HMCN1: variants seen among roughly 807,000 people sequenced by gnomAD.
HMCN1 encodes the protein hemicentin-1.
HMCN1 carries 321 observed loss-of-function variants against 625.9 expected under a neutral mutation model. The observed-to-expected ratio is 0.51, with a 90% CI of 0.47 to 0.56. The LOEUF (loss-of-function observed/expected upper bound fraction) is 0.56. Ranked by LOEUF, HMCN1 falls within the 20% of genes least tolerant of loss-of-function variation. The pLI, the probability that HMCN1 is intolerant of heterozygous loss-of-function variation, is 0.00. For synonymous variants in HMCN1, 2,425 were observed against 2,417.6 expected (o/e 1.00, Z -0.09); for missense variants, 6,588 against 6,887.3 (o/e 0.96, Z 1.54).
At chr1:186,186,471 G>A (rs1653312493) in intron 105 of HMCN1, among the ~76,000 whole-genome samples, 1 of 152,168 alleles carries the variant, frequency 6.6e-6, no homozygotes, top group African/African-American at 2.4e-5. Flanking sequence ...AGCTTGCAAT[G>A]AGCTGAGATT....
At chr1:185,950,796 T>A (rs1419860095) in intron 11 of HMCN1, among the ~76,000 whole-genome samples, 2 of 151,840 alleles carry the variant, frequency 1.3e-5, no homozygotes, top group Non-Finnish European at 2.9e-5. Context: ...CAGAACAGAA[T>A]AATGGGTTGT....
intron 10 of HMCN1, among the ~76,000 whole-genome samples, chr1:185,930,747 C>T (rs925978279): frequency 6.6e-6 from 1 of 151,974 alleles, no homozygotes; most frequent in South Asian, 2.1e-4. Context: ...AAGCAATGTT[C>T]TTCTCTTTTA....
intron 6 of HMCN1, among the ~76,000 whole-genome samples, chr1:185,919,336 A>G (rs2102469864): frequency 6.6e-6 from 1 of 152,216 alleles, no homozygotes; most frequent in East Asian, 1.9e-4. Context: ...TTTCTTGCTT[A>G]TGTTCTCATT....
chr1:186,117,533 G>A lies in HMCN1; in HGVS notation c.11758G>A (p.Ala3920Thr), dbSNP rs202117123. ...TGCCCCAGCAGTAATTACCTGCACT[G>A]CTTCGGGAGTTCCATTTCCCTCAAT... ...KHAPAVITCT[A>T]SGVPFPSIHW... The change falls in exon 77 of 107, where the codon GCT becomes ACT. Residue 3920 changes from alanine (A) to threonine (T), a missense_variant. Physicochemically the swap from Ala to Thr is moderately conservative, Grantham distance 58 (BLOSUM62 0). This residue lies in a region of HMCN1 where 4,628 missense variants were observed against 4,853.1 expected (regional missense o/e 0.95). Transcript: ENST00000271588. The A allele has an allele frequency of 6.2e-7, 1 of 1,613,748 alleles. No homozygotes were observed. The highest frequency in any genetic ancestry group is 1.3e-5 in the African/African-American group (1 of 74,896).
intron 1 of HMCN1, among the ~76,000 whole-genome samples, chr1:185,830,098 G>GT (rs562456930): frequency 1.0e-3 from 159 of 151,678 alleles, no homozygotes; most frequent in African/African-American, 3.8e-3. Flanking sequence ...AGAGTTGTTT[G>GT]TTTTTTTCTT....
intron 22 of HMCN1, among the ~76,000 whole-genome samples, chr1:185,991,357 A>T (rs1652410427): frequency 6.6e-6 from 1 of 152,200 alleles, no homozygotes; most frequent in Non-Finnish European, 1.5e-5. Context: ...TTAGTAAAAA[A>T]TTACAGTAAT....
At chr1:186,160,220 A>G (rs1651352552) in intron 97 of HMCN1, among the ~76,000 whole-genome samples, 1 of 147,872 alleles carries the variant, frequency 6.8e-6, no homozygotes, top group Admixed American at 6.7e-5. Flanking sequence ...AGGTGTTTGT[A>G]GTATTCTCTG....
intron 1 of HMCN1, among the ~76,000 whole-genome samples, chr1:185,821,928 A>C (rs1660207737): frequency 1.3e-5 from 2 of 152,116 alleles, no homozygotes; most frequent in East Asian, 3.9e-4. Flanking sequence ...GAAGAACCTC[A>C]AATGAATATT....
intron 4 of HMCN1, among the ~76,000 whole-genome samples, chr1:185,873,189 G>GA (rs1358055275): frequency 6.6e-6 from 1 of 152,108 alleles, no homozygotes; most frequent in Admixed American, 6.6e-5. Flanking sequence ...TTGACTATGA[G>GA]ATGTTAGAGA....
chr1:186,166,038 A>G, intron 98 of HMCN1, 146 bp from the exon 99 acceptor site: 1 of 774,126 alleles, frequency 1.3e-6, no homozygotes, highest in East Asian at 2.7e-5. Flanking sequence ...TATTCAGTGA[A>G]TTCATTTTGT....
chr1:185,846,144 G>A lies in HMCN1; in HGVS notation c.339+48G>A, dbSNP rs755727356. 5.2e-6 allele frequency: 7 copies of A among 1,354,744 alleles called. No individual in the cohort carries two copies. In the Admixed American group the frequency reaches 8.5e-5, roughly 16 times the overall value. 83.9% of individuals were successfully genotyped at this position (1,354,744 alleles called of 1,614,324 possible). On this transcript the variant is annotated intron_variant, in intron 2 of 106. Coordinates refer to ENST00000271588, the MANE Select transcript of HMCN1 (RefSeq NM_031935.3). ...CTCTTGGGGGAATGGAAAATCATGAGCCTTTGGCTGATTTTCTTTATTTTT... is the reference window on the plus strand; with the variant it reads ...CTCTTGGGGGAATGGAAAATCATGAACCTTTGGCTGATTTTCTTTATTTTT...
chr1:185,795,222 G>A (rs1468304522), intron 1 of HMCN1, among the ~76,000 whole-genome samples: 1 of 152,204 alleles, frequency 6.6e-6, no homozygotes, highest in Non-Finnish European at 1.5e-5. Flanking sequence ...CTAGCTGACG[G>A]AAGCTATAGT....
chr1:185,856,280 C>G (rs181263991), intron 2 of HMCN1, among the ~76,000 whole-genome samples: 5 of 151,884 alleles, frequency 3.3e-5, no homozygotes, highest in Non-Finnish European at 7.4e-5. Context: ...TCTGAGTTCA[C>G]GAGTTTGAGA....
chr1:186,001,491 A>G (rs1453413932), intron 27 of HMCN1, 63 bp downstream of exon 27: 20 of 1,600,584 alleles, frequency 1.2e-5, no homozygotes, highest in Non-Finnish European at 1.6e-5. Context: ...GGTTGTTCAG[A>G]TGTTCATTTC....
intron 97 of HMCN1, among the ~76,000 whole-genome samples, chr1:186,156,119 T>C (rs575354466): frequency 6.6e-6 from 1 of 152,198 alleles, no homozygotes; most frequent in East Asian, 1.9e-4. Flanking sequence ...AAATCTAACT[T>C]ATTTTTAAAA....
intron 1 of HMCN1, among the ~76,000 whole-genome samples, chr1:185,771,900 T>G (rs1186056160): frequency 6.6e-6 from 1 of 152,220 alleles, no homozygotes; most frequent in Non-Finnish European, 1.5e-5. Flanking sequence ...TGTAGTTTTA[T>G]AAATGATATA....
intron 13 of HMCN1, 130 bp from the exon 14 acceptor site, chr1:185,965,672 T>G (rs1650353741): frequency 1.4e-6 from 1 of 709,972 alleles, no homozygotes; most frequent in Non-Finnish European, 2.6e-6. Flanking sequence ...TACAAGAGTT[T>G]CTTTCGGTTT....
chr1:185,849,710 C>A (rs1430896917), intron 2 of HMCN1, among the ~76,000 whole-genome samples: 1 of 152,164 alleles, frequency 6.6e-6, no homozygotes, highest in African/African-American at 2.4e-5. Flanking sequence ...CTATTTTGTC[C>A]ATGTCTCCAT....
intron 71 of HMCN1, among the ~76,000 whole-genome samples, chr1:186,109,913 G>A (rs1202494618): frequency 2.0e-5 from 3 of 152,146 alleles, no homozygotes; most frequent in African/African-American, 7.2e-5. Context: ...TCTCCCATGT[G>A]TGCATTTCAC....
Sources: gnomAD v4.1 joint callset for allele counts (sites outside exome capture counted in the v4.1 genomes callset) on GRCh38, gnomAD v4.1.1 for gene constraint, gnomAD v4.1.1 regional missense constraint, MANE v1.5 for transcripts, NCBI Gene and HGNC (gene_info 2026-07-23, HGNC 2026-07-21) for gene names.